PDE4D: variants seen among roughly 807,000 people sequenced by gnomAD.
PDE4D encodes phosphodiesterase 4D, also known as 3',5'-cyclic-AMP phosphodiesterase 4D.
In PDE4D, 24 loss-of-function variants were observed where a neutral mutation model predicts 87.4. The ratio of observed to expected loss-of-function variants is 0.27; its 90% CI spans 0.20 to 0.39. The LOEUF (loss-of-function observed/expected upper bound fraction) is 0.39. Among genes scored for constraint, PDE4D ranks in the 10% least tolerant of loss-of-function variants. PDE4D has a pLI of 1.00. For missense variants in PDE4D, 714 were observed against 1,041.0 expected, an observed-to-expected ratio of 0.69 and a Z score of 4.32; for synonymous variants, 384 against 383.2, an observed-to-expected ratio of 1.00 and a Z score of -0.02.
chr5:60,494,213 A>G (rs936075167), intron 1 of PDE4D, among the ~76,000 whole-genome samples: 4 of 152,194 alleles, frequency 2.6e-5, no homozygotes, highest in Non-Finnish European at 5.9e-5. Flanking sequence ...AGCTAAGCTA[A>G]GTCTCACTTA....
chr5:60,320,060 G>T (rs542045284), intron 1 of PDE4D, among the ~76,000 whole-genome samples: 1 of 152,310 alleles, frequency 6.6e-6, no homozygotes, highest in South Asian at 2.1e-4. Context: ...CTTTTGTTTG[G>T]CTATGCCCTG....
chr5:60,428,673 A>T (rs1442716667), intron 1 of PDE4D, among the ~76,000 whole-genome samples: 1 of 152,216 alleles, frequency 6.6e-6, no homozygotes, highest in Non-Finnish European at 1.5e-5. Context: ...TCTCACGATG[A>T]TATAAAGAAT....
intron 1 of PDE4D, among the ~76,000 whole-genome samples, chr5:59,678,974 C>T (rs577884358): frequency 6.6e-6 from 1 of 152,272 alleles, no homozygotes; most frequent in African/African-American, 2.4e-5. Context: ...TTCTTTACCC[C>T]TTTCCTAGAC....
intron 1 of PDE4D, among the ~76,000 whole-genome samples, chr5:60,193,994 A>C (rs576055410): frequency 6.6e-6 from 1 of 151,184 alleles, no homozygotes; most frequent in South Asian, 2.1e-4. Flanking sequence ...TTCCTCCTCC[A>C]TCTGCTCTAG....
At chr5:59,465,516 A>AT (rs996312196) in intron 1 of PDE4D, among the ~76,000 whole-genome samples, 1 of 152,138 alleles carries the variant, frequency 6.6e-6, no homozygotes, top group African/African-American at 2.4e-5. Flanking sequence ...CACAACACTG[A>AT]TTTTTTAAAA....
intron 1 of PDE4D, among the ~76,000 whole-genome samples, chr5:60,354,499 C>T (rs1279607289): frequency 6.6e-6 from 1 of 152,212 alleles, no homozygotes; most frequent in African/African-American, 2.4e-5. Flanking sequence ...TACCAAGCAA[C>T]TGTTTCTCCG....
chr5:60,414,034 A>G (rs1333562722), intron 1 of PDE4D, among the ~76,000 whole-genome samples: 1 of 152,172 alleles, frequency 6.6e-6, no homozygotes, highest in Admixed American at 6.5e-5. Context: ...CGACAGATAC[A>G]ATTTCTCCCC....
At chr5:60,519,045 G>T (rs904213971) in intron 1 of PDE4D, among the ~76,000 whole-genome samples, 1 of 152,140 alleles carries the variant, frequency 6.6e-6, no homozygotes, top group East Asian at 1.9e-4. Context: ...ATTACATGGT[G>T]GTTTCTCCAC....
chr5:60,209,624 A>C (rs1742957216), intron 1 of PDE4D, among the ~76,000 whole-genome samples: 1 of 152,092 alleles, frequency 6.6e-6, no homozygotes, highest in South Asian at 2.1e-4. Flanking sequence ...GTTTGGGCAT[A>C]GTATTCATCT....
intron 5 of PDE4D, among the ~76,000 whole-genome samples, chr5:59,127,925 C>T (rs55805100): frequency 0.044 from 6,670 of 151,956 alleles, 201 homozygotes; most frequent in Non-Finnish European, 0.066. Flanking sequence ...AGACTTTGTT[C>T]CTTAGCGTTC....
At chr5:60,225,975 C>T (rs1208914890) in intron 1 of PDE4D, among the ~76,000 whole-genome samples, 1 of 151,962 alleles carries the variant, frequency 6.6e-6, no homozygotes, top group Non-Finnish European at 1.5e-5. Flanking sequence ...TGTTTTGAAA[C>T]TGTAACAAAA....
intron 1 of PDE4D, among the ~76,000 whole-genome samples, chr5:59,674,548 T>C (rs1201616553): frequency 1.3e-5 from 2 of 152,226 alleles, no homozygotes; most frequent in Non-Finnish European, 2.9e-5. Context: ...GCTCCTTTTC[T>C]GAGATACTCT....
intron 3 of PDE4D, among the ~76,000 whole-genome samples, chr5:59,977,834 T>G (rs1278854260): frequency 6.6e-6 from 1 of 152,222 alleles, no homozygotes; most frequent in African/African-American, 2.4e-5. Context: ...ATGGTAACTT[T>G]AAGTTGAAGA....
intron 3 of PDE4D, among the ~76,000 whole-genome samples, chr5:59,912,132 T>C (rs1753513790): frequency 6.6e-6 from 1 of 152,160 alleles, no homozygotes; most frequent in African/African-American, 2.4e-5. Context: ...AGGACTGTGG[T>C]AAGGATATAA....
intron 1 of PDE4D, among the ~76,000 whole-genome samples, chr5:59,373,970 CA>C (rs1784333075): frequency 1.3e-5 from 2 of 152,090 alleles, no homozygotes; most frequent in Non-Finnish European, 2.9e-5. Flanking sequence ...TTCAGACAAG[CA>C]AATACTGAGG....
intron 1 of PDE4D, among the ~76,000 whole-genome samples, chr5:60,246,618 G>A (rs566776700): frequency 1.2e-4 from 18 of 151,236 alleles, no homozygotes; most frequent in Non-Finnish European, 2.7e-4. Flanking sequence ...CCTTTATAAA[G>A]TGTGTTCTTT....
At chr5:60,212,827 A>C (rs1462054783) in intron 1 of PDE4D, among the ~76,000 whole-genome samples, 1 of 152,248 alleles carries the variant, frequency 6.6e-6, no homozygotes. Flanking sequence ...TACTGAAAAG[A>C]TGTCATACTA....
chr5:59,831,371 T>C (rs1169232322), intron 1 of PDE4D, among the ~76,000 whole-genome samples: 1 of 135,648 alleles, frequency 7.4e-6, no homozygotes, highest in African/African-American at 2.8e-5. Context: ...ATGAACAATA[T>C]CACTGACTTC....
At chr5:60,396,656 T>C (rs1371669853) in intron 1 of PDE4D, among the ~76,000 whole-genome samples, 1 of 152,042 alleles carries the variant, frequency 6.6e-6, no homozygotes, top group East Asian at 1.9e-4. Flanking sequence ...GCCTCGTGAG[T>C]AGATGGGACT....
Sources: allele counts gnomAD v4.1 joint callset (sites outside exome capture counted in the v4.1 genomes callset), GRCh38; gene constraint gnomAD v4.1.1; transcripts MANE v1.5; gene names NCBI Gene and HGNC (gene_info 2026-07-23, HGNC 2026-07-21).